BCAR3: variants seen among roughly 807,000 people sequenced by gnomAD.
BCAR3 encodes breast cancer anti-estrogen resistance protein 3.
In BCAR3, 37 loss-of-function variants were observed where a neutral mutation model predicts 80.1. The observed-to-expected ratio is 0.46, with a 90% CI of 0.36 to 0.61. BCAR3 has a LOEUF of 0.61. Ranked by LOEUF, BCAR3 falls within the 20% of genes least tolerant of loss-of-function variation. BCAR3 has a pLI of 0.00. For synonymous variants in BCAR3, 389 were observed against 418.9 expected, an observed-to-expected ratio of 0.93 and a Z score of 0.87; for missense variants, 978 against 1,068.2, an observed-to-expected ratio of 0.92 and a Z score of 1.18.
intron 2 of BCAR3, among the ~76,000 whole-genome samples, chr1:93,643,799 A>G (rs890972168): frequency 6.6e-6 from 1 of 152,168 alleles, no homozygotes; most frequent in African/African-American, 2.4e-5. Context: ...CCACAAAAAC[A>G]AAAAAGTGGA....
At chr1:93,610,002 C>A (rs1158752425) in intron 3 of BCAR3, among the ~76,000 whole-genome samples, 1 of 152,204 alleles carries the variant, frequency 6.6e-6, no homozygotes, top group Non-Finnish European at 1.5e-5. Context: ...GATAACCGAT[C>A]GTTTCCTTCA....
At chr1:93,675,065 CAACA>C in intron 1 of BCAR3, 124 bp from the exon 2 acceptor site, 3 of 763,052 alleles carry the variant, frequency 3.9e-6, no homozygotes, top group Non-Finnish European at 5.9e-6. Flanking sequence ...ATTAACAGAT[CAACA>C]TTTAATGGCA....
intron 2 of BCAR3, chr1:93,646,394 G>C (rs1416695987): frequency 6.6e-6 from 1 of 152,022 alleles, no homozygotes; most frequent in African/African-American, 2.4e-5. Context: ...CCTGAGGTCG[G>C]GAGTTCAAGA....
intron 2 of BCAR3, among the ~76,000 whole-genome samples, chr1:93,733,199 C>G (rs1025575994): frequency 6.6e-6 from 1 of 152,148 alleles, no homozygotes; most frequent in African/African-American, 2.4e-5. Context: ...CCCTCCCCAC[C>G]AGCAGCTGAA....
intron 2 of BCAR3, among the ~76,000 whole-genome samples, chr1:93,829,771 C>A (rs886304135): frequency 2.0e-5 from 3 of 152,214 alleles, no homozygotes; most frequent in African/African-American, 7.2e-5. Context: ...TCTACCCCTA[C>A]AATGGCTTAC....
Position 93,689,685 on chromosome 1 carries a change from C to T in BCAR3, c.-11-14744G>A, listed in dbSNP as rs17110295. 7.9e-3 allele frequency among the ~76,000 whole-genome samples: 1,210 copies of T among 152,226 alleles called. 95 individuals carry two copies. The East Asian group carries it at 0.18, about 23-fold the overall frequency. On this transcript the variant is annotated intron_variant, in intron 3 of 13. Transcript: ENST00000370244. ...ATGTAAAACCTAGTGGCGATGGCCA[C>T]CTGACTGCCTTCTTGAGTTATGACC...
At chr1:93,573,184 C>T (rs1207006551) in intron 8 of BCAR3, among the ~76,000 whole-genome samples, 1 of 152,000 alleles carries the variant, frequency 6.6e-6, no homozygotes, top group Non-Finnish European at 1.5e-5. Flanking sequence ...ATGCTTGAGC[C>T]CAGGAGTTTG....
intron 2 of BCAR3, among the ~76,000 whole-genome samples, chr1:93,787,508 T>G (rs1652988433): frequency 2.6e-5 from 4 of 152,224 alleles, no homozygotes; most frequent in Admixed American, 2.6e-4. Flanking sequence ...TGATAAGTTG[T>G]GTCACTAACA....
chr1:93,846,959 G>A (rs1248743916), intron 1 of BCAR3: 2 of 327,674 alleles, frequency 6.1e-6, no homozygotes, highest in South Asian at 1.8e-5. Flanking sequence ...GCACAAGCAC[G>A]CACACAGACG....
chr1:93,804,772 T>A (rs6688926), intron 2 of BCAR3, among the ~76,000 whole-genome samples: 1 of 152,186 alleles, frequency 6.6e-6, no homozygotes, highest in African/African-American at 2.4e-5. Flanking sequence ...GAGGAACCAC[T>A]GTGTAACAAT....
intron 2 of BCAR3, among the ~76,000 whole-genome samples, chr1:93,665,103 G>A (rs1056423890): frequency 2.0e-5 from 3 of 152,104 alleles, no homozygotes; most frequent in Non-Finnish European, 2.9e-5. Flanking sequence ...CTGTCTTCCC[G>A]GGCAGACACC....
chr1:93,757,832 G>C (rs1331205275), intron 2 of BCAR3, among the ~76,000 whole-genome samples: 2 of 152,214 alleles, frequency 1.3e-5, no homozygotes, highest in Non-Finnish European at 2.9e-5. Flanking sequence ...CATGGGTCAG[G>C]TTGTCTGGGA....
intron 3 of BCAR3, among the ~76,000 whole-genome samples, chr1:93,693,704 T>A (rs1325724650): frequency 6.6e-6 from 1 of 152,232 alleles, no homozygotes; most frequent in East Asian, 1.9e-4. Flanking sequence ...ACCACCTTGG[T>A]AACACAGTAA....
At chr1:93,702,206 G>A (rs920138369) in intron 3 of BCAR3, among the ~76,000 whole-genome samples, 4 of 152,090 alleles carry the variant, frequency 2.6e-5, no homozygotes, top group East Asian at 1.9e-4. Context: ...CTGAAGCTGC[G>A]CCCCCATGAA....
At position 93,586,298 on chromosome 1, in the gene BCAR3, G is replaced by T. The variant is rs1673939240; in HGVS notation, c.930-2177C>A. On this transcript the variant is annotated intron_variant, in intron 5 of 11. Transcript: ENST00000260502. This position sits in a 1 kb window ranked among gnomAD's most constrained non-coding sequence, Gnocchi z 4.2. The stretch of plus-strand genomic sequence containing the variant: ...TGACTTTTTGATCCCACAAATAAGT[G>T]AGAACATTTGTCTTTCTGTGTCTGG... Among the ~76,000 whole-genome samples the T allele has an allele frequency of 6.6e-6, 1 of 151,944 alleles. No homozygotes were observed. Among genetic ancestry groups the T allele is most frequent in the Admixed American group, 6.6e-5 (1 of 15,242 alleles).
intron 2 of BCAR3, chr1:93,753,428 C>T (rs1175756706): frequency 1.3e-5 from 2 of 152,188 alleles, no homozygotes; most frequent in African/African-American, 4.8e-5. Context: ...GACACATCAA[C>T]CTCTCTCTCC....
At chr1:93,702,708 C>T (rs1478320470) in intron 3 of BCAR3, among the ~76,000 whole-genome samples, 1 of 152,232 alleles carries the variant, frequency 6.6e-6, no homozygotes, top group Non-Finnish European at 1.5e-5. Flanking sequence ...CCGCACACCG[C>T]CCAGTGGCAT....
At chr1:93,796,622 C>T (rs968504056) in intron 2 of BCAR3, among the ~76,000 whole-genome samples, 4 of 152,222 alleles carry the variant, frequency 2.6e-5, no homozygotes, top group East Asian at 1.9e-4. Flanking sequence ...TCTTCTGCGT[C>T]GCTCACGCTG....
chr1:93,592,170 G>C lies in BCAR3; in HGVS notation c.486+95C>G, dbSNP rs894649725. Reference sequence around the variant, plus strand: ...TGTTTTTGGTTACACAGGTGCTTCCGCCCATGTGGCCTCGGAGTGGGACCC... The same window carrying C: ...TGTTTTTGGTTACACAGGTGCTTCCCCCCATGTGGCCTCGGAGTGGGACCC... On this transcript the variant is annotated intron_variant, in intron 4 of 11. Coordinates refer to ENST00000260502, the MANE Select transcript of BCAR3 (RefSeq NM_003567.4). This position sits in a 1 kb window ranked among gnomAD's most constrained non-coding sequence, Gnocchi z 4.8. 1 of 1,542,284 alleles carries C rather than the reference G, an allele frequency of 6.5e-7. No individual in the cohort carries two copies. The highest frequency in any genetic ancestry group is 1.2e-5 in the South Asian group (1 of 84,972).
Sources: allele counts gnomAD v4.1 joint callset (sites outside exome capture counted in the v4.1 genomes callset), GRCh38; gene constraint gnomAD v4.1.1; non-coding constraint Gnocchi (gnomAD v3.1); transcripts MANE v1.5; gene names NCBI Gene and HGNC (gene_info 2026-07-23, HGNC 2026-07-21).